Variants in PARVA observed in about 807,000 individuals in gnomAD.
PARVA encodes parvin alpha.
PARVA carries 25 observed loss-of-function variants against 52.6 expected under a neutral mutation model. The observed-to-expected ratio is 0.48, with a 90% CI of 0.35 to 0.66. The LOEUF is 0.66. Among genes scored for constraint, PARVA ranks in the 30% least tolerant of loss-of-function variants. PARVA has a pLI of 0.01. For synonymous variants in PARVA, 185 were observed against 179.1 expected (o/e 1.03, Z -0.26); for missense variants, 373 against 450.9 (o/e 0.83, Z 1.56).
At chr11:12,525,736 T>C (rs557129782) in intron 12 of PARVA, among the ~76,000 whole-genome samples, 17 of 151,962 alleles carry the variant, frequency 1.1e-4, no homozygotes, top group African/African-American at 3.6e-4. Context: ...GGCTCAGATA[T>C]GTGATGAAGC....
chr11:12,521,438 A>T (rs1455602221), intron 12 of PARVA, among the ~76,000 whole-genome samples: 3 of 152,190 alleles, frequency 2.0e-5, no homozygotes, highest in Non-Finnish European at 4.4e-5. Context: ...TTTTATTTTT[A>T]TTCAGTCCCT....
chr11:12,425,052 G>A (rs1027175045), intron 1 of PARVA, among the ~76,000 whole-genome samples: 2 of 152,126 alleles, frequency 1.3e-5, no homozygotes, highest in African/African-American at 2.4e-5. Context: ...AGGTGTTTCA[G>A]ATCAAGATCT....
At chr11:12,462,843 T>G (rs770992866) in intron 1 of PARVA, among the ~76,000 whole-genome samples, 19 of 152,140 alleles carry the variant, frequency 1.2e-4, no homozygotes, top group Non-Finnish European at 2.5e-4. Flanking sequence ...CTCCTAAATT[T>G]TCTCATCTCA....
Position 12,533,898 on chromosome 11 carries a change from G to A in PARVA, c.*5973G>A, listed in dbSNP as rs1941803462. Among the ~76,000 whole-genome samples the A allele has an allele frequency of 6.6e-6, 1 of 152,004 alleles. No individual in the cohort carries two copies. Among genetic ancestry groups the A allele is most frequent in the Non-Finnish European group, 1.5e-5 (1 of 68,004 alleles). ...AAAAAAAATCCATGGGCCGAGCACG[G>A]TGGCTCACACCTGTAATCCCAGCAC... On this transcript the variant is annotated 3_prime_UTR_variant, in exon 13 of 13. Transcript: ENST00000334956.
intron 4 of PARVA, chr11:12,480,387 T>G (rs1589974150): frequency 6.6e-6 from 1 of 152,126 alleles, no homozygotes; most frequent in Admixed American, 6.6e-5. Flanking sequence ...CTTCGGCACA[T>G]GAAGACATGG....
At chr11:12,517,471 C>A in intron 10 of PARVA, 139 bp from the exon 11 acceptor site, 1 of 665,690 alleles carries the variant, frequency 1.5e-6, no homozygotes. Context: ...TGTCTCGGGC[C>A]ACTGCCCCTA....
intron 12 of PARVA, among the ~76,000 whole-genome samples, chr11:12,521,830 G>A (rs1941640217): frequency 6.6e-6 from 1 of 152,176 alleles, no homozygotes; most frequent in African/African-American, 2.4e-5. Flanking sequence ...GGCAACCCCA[G>A]AGGGTTAGAA....
chr11:12,383,136 A>G (rs1939517811), intron 1 of PARVA, among the ~76,000 whole-genome samples: 1 of 152,074 alleles, frequency 6.6e-6, no homozygotes, highest in Admixed American at 6.6e-5. Flanking sequence ...GCCCCTTCTT[A>G]TGAGTTGTAG....
At chr11:12,476,696 G>T (rs1941019019) in intron 3 of PARVA, among the ~76,000 whole-genome samples, 1 of 152,046 alleles carries the variant, frequency 6.6e-6, no homozygotes, top group African/African-American at 2.4e-5. Context: ...GCCTCTCCAG[G>T]ACAGAGGCTG....
At chr11:12,481,372 C>T (rs574287299) in intron 4 of PARVA, among the ~76,000 whole-genome samples, 9 of 151,970 alleles carry the variant, frequency 5.9e-5, no homozygotes, top group South Asian at 4.2e-4. Flanking sequence ...CCTCCAGCTT[C>T]GGCCATTGGG....
chr11:12,431,173 C>T (rs1940309854), intron 1 of PARVA, among the ~76,000 whole-genome samples: 1 of 152,214 alleles, frequency 6.6e-6, no homozygotes, highest in Non-Finnish European at 1.5e-5. Context: ...GCCAGTGTTT[C>T]CCATCCTGTG....
At chr11:12,410,010 T>A (rs185439944) in intron 1 of PARVA, among the ~76,000 whole-genome samples, 1 of 152,180 alleles carries the variant, frequency 6.6e-6, no homozygotes, top group Non-Finnish European at 1.5e-5. Context: ...GGACTTGCTA[T>A]TGTTTTCTGT....
intron 1 of PARVA, among the ~76,000 whole-genome samples, chr11:12,380,005 A>T (rs1283654593): frequency 1.3e-5 from 2 of 152,146 alleles, no homozygotes; most frequent in Non-Finnish European, 2.9e-5. Context: ...TGTACCTATC[A>T]CTGTTGGTAG....
At chr11:12,508,334 G>GGAAA (rs1172547752) in intron 6 of PARVA, among the ~76,000 whole-genome samples, 1 of 152,128 alleles carries the variant, frequency 6.6e-6, no homozygotes, top group African/African-American at 2.4e-5. Context: ...AATAAAGAAA[G>GGAAA]GAAAGATTCA....
chr11:12,380,580 C>T (rs1393354972), intron 1 of PARVA, among the ~76,000 whole-genome samples: 2 of 150,824 alleles, frequency 1.3e-5, no homozygotes, highest in Non-Finnish European at 2.9e-5. Flanking sequence ...ATAGGGGCAG[C>T]GTCCATAGGG....
intron 1 of PARVA, among the ~76,000 whole-genome samples, chr11:12,401,530 C>T (rs1939828333): frequency 6.6e-6 from 1 of 152,192 alleles, no homozygotes; most frequent in Admixed American, 6.5e-5. Context: ...CATGCTGGTG[C>T]CAGCCCAGTG....
chr11:12,521,671 A>G (rs1278882660), intron 12 of PARVA, among the ~76,000 whole-genome samples: 1 of 152,106 alleles, frequency 6.6e-6, no homozygotes, highest in Non-Finnish European at 1.5e-5. Context: ...AGATGATGAC[A>G]TTATCTAGGT....
intron 1 of PARVA, among the ~76,000 whole-genome samples, chr11:12,460,503 A>T (rs774205739): frequency 6.6e-6 from 1 of 152,176 alleles, no homozygotes; most frequent in South Asian, 2.1e-4. Context: ...CATCATCATC[A>T]TCGATGACAG....
chr11:12,500,248 A>G (rs1469806386), intron 5 of PARVA, among the ~76,000 whole-genome samples: 1 of 151,998 alleles, frequency 6.6e-6, no homozygotes, highest in African/African-American at 2.4e-5. Flanking sequence ...CTAGAGTGAC[A>G]CTCTTAGCCT....
Sources: allele counts gnomAD v4.1 joint callset (sites outside exome capture counted in the v4.1 genomes callset), GRCh38; gene constraint gnomAD v4.1.1; transcripts MANE v1.5; gene names NCBI Gene and HGNC (gene_info 2026-07-23, HGNC 2026-07-21).